The following RNF144B variants were observed in gnomAD, a reference collection of about 807,000 sequenced individuals.
RNF144B encodes the protein E3 ubiquitin-protein ligase RNF144B.
In RNF144B, 25 loss-of-function variants were observed where a neutral mutation model predicts 40.2. The ratio of observed to expected loss-of-function variants is 0.62; its 90% CI spans 0.45 to 0.87. The LOEUF (loss-of-function observed/expected upper bound fraction) is 0.87. Among genes scored for constraint, RNF144B ranks in the 40% least tolerant of loss-of-function variants. The pLI is 0.00. For synonymous variants in RNF144B, 145 were observed against 136.3 expected, an observed-to-expected ratio of 1.06 and a Z score of -0.44; for missense variants, 365 against 373.7, an observed-to-expected ratio of 0.98 and a Z score of 0.19.
Position 18,442,891 on chromosome 6 carries a change from A to T in RNF144B, c.331+3147A>T, listed in dbSNP as rs1369022555. Among the ~76,000 whole-genome samples, 1 of 152,226 alleles carries T rather than the reference A, an allele frequency of 6.6e-6. No individual in the cohort carries two copies. Among genetic ancestry groups the T allele is most frequent in the Non-Finnish European group, 1.5e-5 (1 of 68,046 alleles). On this transcript the variant is annotated intron_variant, in intron 4 of 7. Coordinates refer to ENST00000259939, the MANE Select transcript of RNF144B (RefSeq NM_182757.4). The surrounding 1 kb of genome is among the most constrained non-coding windows in gnomAD (Gnocchi z 4.3). ...TAAGAATTTCATTTTTTAAGGCTGAATAACCTATTGTATGTTTTTAACGTC... is the reference window on the plus strand; with the variant it reads ...TAAGAATTTCATTTTTTAAGGCTGATTAACCTATTGTATGTTTTTAACGTC...
intron 1 of RNF144B, among the ~76,000 whole-genome samples, chr6:18,397,455 T>A (rs1278423700): frequency 1.3e-5 from 2 of 152,230 alleles, no homozygotes; most frequent in Non-Finnish European, 2.9e-5. Flanking sequence ...ATTTTGCTTT[T>A]GTTTAACCAG....
chr6:18,461,938 G>C (rs751259916), intron 6 of RNF144B, among the ~76,000 whole-genome samples: 3 of 152,140 alleles, frequency 2.0e-5, no homozygotes, highest in Admixed American at 1.3e-4. Flanking sequence ...TGTAGTTTCA[G>C]AGGATGAGTT....
rs1466768881 is a variant in RNF144B, at chr6:18,444,222, A to T, written c.331+4478A>T. Among the ~76,000 whole-genome samples the T allele has an allele frequency of 6.6e-6, 1 of 152,096 alleles. No individual in the cohort carries two copies. The highest frequency in any genetic ancestry group is 2.4e-5 in the African/African-American group (1 of 41,424). ...ACACGAAGCAAAGAAATACTATCTG[A>T]TATTGGTTGGTTATTCTACCCGCTT... is the stretch of plus-strand genomic sequence containing the variant. On this transcript the variant is annotated intron_variant, in intron 4 of 7. Coordinates refer to ENST00000259939, the MANE Select transcript of RNF144B (RefSeq NM_182757.4). The surrounding 1 kb of genome is among the most constrained non-coding windows in gnomAD (Gnocchi z 4.3).
At chr6:18,423,930 A>C (rs1021694230) in intron 2 of RNF144B, among the ~76,000 whole-genome samples, 2 of 152,226 alleles carry the variant, frequency 1.3e-5, no homozygotes, top group African/African-American at 4.8e-5. Context: ...TTACCTGTTA[A>C]GAAAATTGCT....
chr6:18,439,640 A>G (rs376204217), intron 3 of RNF144B, 44 bp from the exon 4 acceptor site: 26 of 1,351,720 alleles, frequency 1.9e-5, no homozygotes, highest in South Asian at 1.4e-4. Flanking sequence ...AACTCAGGGC[A>G]CTATGATGAC....
chr6:18,447,702 A>G lies in RNF144B; in HGVS notation c.331+7958A>G, dbSNP rs569399270. On this transcript the variant is annotated intron_variant, in intron 4 of 7. Transcript: ENST00000259939. The surrounding 1 kb of genome is among the most constrained non-coding windows in gnomAD (Gnocchi z 5.6). Reference sequence around the variant, plus strand: ...GAACTGTCAGGATTTCCTGGTAGAGATACATCTGGATTATATGAGTCAGGA... The same window carrying G: ...GAACTGTCAGGATTTCCTGGTAGAGGTACATCTGGATTATATGAGTCAGGA... 3.3e-5 allele frequency among the ~76,000 whole-genome samples: 5 copies of G among 152,302 alleles called. No homozygotes were observed. The South Asian group carries it at 1.0e-3, about 32-fold the overall frequency.
chr6:18,420,272 T>A (rs1186459435), intron 2 of RNF144B, among the ~76,000 whole-genome samples: 1 of 152,126 alleles, frequency 6.6e-6, no homozygotes, highest in Non-Finnish European at 1.5e-5. Context: ...ACCATATTGG[T>A]GCTTAAAAAG....
intron 1 of RNF144B, among the ~76,000 whole-genome samples, chr6:18,392,065 A>AAAAGG: frequency 9.1e-6 from 1 of 110,362 alleles, no homozygotes; most frequent in African/African-American, 3.0e-5. Context: ...AAAAAAAATT[A>AAAAGG]GGTGTGGTGG....
At position 18,459,944 on chromosome 6, in the gene RNF144B, C is replaced by T. The variant is rs72832499; in HGVS notation, c.681+193C>T. On this transcript the variant is annotated intron_variant, in intron 6 of 7. Coordinates refer to ENST00000259939, the MANE Select transcript of RNF144B (RefSeq NM_182757.4). The surrounding 1 kb of genome is among the most constrained non-coding windows in gnomAD (Gnocchi z 4.2). The stretch of plus-strand genomic sequence containing the variant: ...CATCTTTTTGATGACCTTACATATG[C>T]CACCCTGGTGTTAAAGGCAAGCTTT... 0.011 allele frequency among the ~76,000 whole-genome samples: 1,664 copies of T among 152,286 alleles called. 23 individuals carry two copies. The highest frequency in any genetic ancestry group is 0.027 in the Middle Eastern group (8 of 294).
At chr6:18,393,277 G>T (rs1794624065) in intron 1 of RNF144B, among the ~76,000 whole-genome samples, 2 of 152,168 alleles carry the variant, frequency 1.3e-5, no homozygotes, top group African/African-American at 4.8e-5. Context: ...AATGTACGCT[G>T]GTTCATCTTG....
At chr6:18,396,582 C>G (rs950553487) in intron 1 of RNF144B, 3 of 985,190 alleles carry the variant, frequency 3.0e-6, no homozygotes, top group African/African-American at 1.7e-5. Flanking sequence ...GTGTCATTAC[C>G]CTTTTTCTCC....
intron 2 of RNF144B, among the ~76,000 whole-genome samples, chr6:18,411,558 C>T (rs1795048142): frequency 8.6e-6 from 1 of 116,714 alleles, no homozygotes; most frequent in African/African-American, 3.4e-5. Flanking sequence ...GGGTGGAGTA[C>T]AGTGGTGTGA....
At chr6:18,403,126 T>C (rs981905486) in intron 2 of RNF144B, among the ~76,000 whole-genome samples, 1 of 152,244 alleles carries the variant, frequency 6.6e-6, no homozygotes, top group African/African-American at 2.4e-5. Context: ...TGCCTGTATA[T>C]TTAAATAACC....
intron 2 of RNF144B, among the ~76,000 whole-genome samples, chr6:18,420,522 C>T (rs551131368): frequency 7.2e-5 from 11 of 152,200 alleles, no homozygotes; most frequent in Admixed American, 6.5e-4. Context: ...ATGCAGCATG[C>T]TGGGCGTGCT....
At chr6:18,423,707 A>T (rs1050850014) in intron 2 of RNF144B, among the ~76,000 whole-genome samples, 2 of 152,142 alleles carry the variant, frequency 1.3e-5, no homozygotes, top group Non-Finnish European at 2.9e-5. Flanking sequence ...GTTTGGTTAC[A>T]TTTTTGGTTA....
intron 2 of RNF144B, among the ~76,000 whole-genome samples, chr6:18,420,411 A>G (rs1489808496): frequency 1.3e-5 from 2 of 152,030 alleles, no homozygotes; most frequent in Admixed American, 1.3e-4. Context: ...CCTGTGATTG[A>G]TTAGGTGCTT....
At position 18,406,039 on chromosome 6, in the gene RNF144B, G is replaced by T. The variant is rs751819228; in HGVS notation, c.165+6340G>T. ...TTTAAGAGAATGGGTCTCAAGTTTG[G>T]TAGCTTAGGCTTTATTTATTCAACA... On this transcript the variant is annotated intron_variant, in intron 2 of 7. Coordinates refer to ENST00000259939, the MANE Select transcript of RNF144B (RefSeq NM_182757.4). This position sits in a 1 kb window ranked among gnomAD's most constrained non-coding sequence, Gnocchi z 4.2. The T allele has an allele frequency of 1.9e-6, 1 of 518,656 alleles. No individual in the cohort carries two copies. The highest frequency in any genetic ancestry group is 1.9e-5 in the Admixed American group (1 of 51,550). The allele number at this position is 518,656 out of a possible 1,614,324, so 32.1% of individuals were successfully genotyped here. A position where few individuals can be genotyped will look rare whatever the true frequency, so the allele number is the denominator to read the frequency against.
chr6:18,457,740 T>A lies in RNF144B; in HGVS notation c.536+381T>A, dbSNP rs1759362905. Among the ~76,000 whole-genome samples the A allele has an allele frequency of 6.6e-6, 1 of 152,182 alleles. No homozygotes were observed. Among genetic ancestry groups the A allele is most frequent in the Non-Finnish European group, 1.5e-5 (1 of 68,038 alleles). ...TTGCAAAATGAGAAAAGAAATTTTC[T>A]TACCTGACTAAATTGCCAGCTCATG... On this transcript the variant is annotated intron_variant, in intron 5 of 7. Transcript: ENST00000259939. This position sits in a 1 kb window ranked among gnomAD's most constrained non-coding sequence, Gnocchi z 5.1.
intron 1 of RNF144B, among the ~76,000 whole-genome samples, chr6:18,391,713 A>G (rs1794584136): frequency 6.6e-6 from 1 of 151,144 alleles, no homozygotes; most frequent in Non-Finnish European, 1.5e-5. Context: ...TAAAAATACA[A>G]AAAAATTAGC....
Sources: allele counts gnomAD v4.1 joint callset (sites outside exome capture counted in the v4.1 genomes callset), GRCh38; gene constraint gnomAD v4.1.1; non-coding constraint Gnocchi (gnomAD v3.1); transcripts MANE v1.5; gene names NCBI Gene and HGNC (gene_info 2026-07-23, HGNC 2026-07-21).